Variants in ABCB5 observed in about 807,000 individuals in gnomAD.
The protein encoded by ABCB5 is ATP-binding cassette sub-family B member 5.
Under a neutral mutation model 144.2 loss-of-function variants are expected in ABCB5, and 155 were observed. That is an observed-to-expected ratio of 1.08 (90% CI 0.94 to 1.23). The LOEUF is 1.23. Among genes scored for constraint, ABCB5 ranks in the 50% most tolerant of loss-of-function variants. ABCB5 has a pLI of 0.00. For missense variants in ABCB5, 1,830 were observed against 1,520.8 expected (o/e 1.20, Z -3.38); for synonymous variants, 610 against 528.6 (o/e 1.15, Z -2.11).
chr7:20,703,658 G>A (rs1786709672), intron 19 of ABCB5, among the ~76,000 whole-genome samples: 1 of 152,112 alleles, frequency 6.6e-6, no homozygotes, highest in African/African-American at 2.4e-5. Context: ...ATCTTTCAGA[G>A]ACAGTTTCCA....
intron 16 of ABCB5, among the ~76,000 whole-genome samples, chr7:20,695,320 A>ATT (rs1358339574): frequency 6.0e-5 from 9 of 150,256 alleles, no homozygotes; most frequent in African/African-American, 2.2e-4. Context: ...TCAATTAACA[A>ATT]TTTTTTTTTT....
chr7:20,725,012 TA>T (rs1781991286), intron 21 of ABCB5, among the ~76,000 whole-genome samples: 1 of 152,204 alleles, frequency 6.6e-6, no homozygotes, highest in South Asian at 2.1e-4. Context: ...ATTTCTAAAT[TA>T]ATGAGGCCTA....
Position 20,632,065 on chromosome 7 carries a change from A to G in ABCB5, c.266A>G (p.Tyr89Cys), listed in dbSNP as rs1430115674. The G allele has an allele frequency of 2.0e-6, 3 of 1,515,772 alleles. No individual in the cohort carries two copies. The highest frequency in any genetic ancestry group is 2.3e-5 in the Admixed American group (1 of 43,514). 93.9% of individuals were successfully genotyped at this position (1,515,772 alleles called of 1,614,324 possible). A position where few individuals can be genotyped will look rare whatever the true frequency, so the allele number is the denominator to read the frequency against. ...GCLVQTNTTN[Y>C]QNCTQSQEKL... ...TAAATAACCTTTTTTACAGCAAATT[A>G]TCAGAACTGTACTCAGTCTCAAGAG... The change falls in exon 5 of 28, where the codon TAT becomes TGT. Residue 89 changes from tyrosine to cysteine, a missense_variant. Tyr to Cys is a radical substitution (Grantham distance 194). Transcript: ENST00000404938.
chr7:20,731,385 T>TATATAC (rs1554289445), intron 23 of ABCB5, among the ~76,000 whole-genome samples: 2 of 147,158 alleles, frequency 1.4e-5, no homozygotes, highest in South Asian at 4.2e-4. Flanking sequence ...TATATATATA[T>TATATAC]ACATATAAAA....
chr7:20,667,529 TA>T, intron 14 of ABCB5: 6 of 978,350 alleles, frequency 6.1e-6, no homozygotes, highest in Non-Finnish European at 7.3e-6. Context: ...CTCTCTTTTA[TA>T]TTTTCTAATT....
chr7:20,702,003 A>C (rs2128043759), intron 19 of ABCB5, among the ~76,000 whole-genome samples: 1 of 152,342 alleles, frequency 6.6e-6, no homozygotes, highest in Admixed American at 6.5e-5. Context: ...AAGACTTTTT[A>C]AAATTTAACA....
chr7:20,634,747 T>C (rs949440629), intron 5 of ABCB5, among the ~76,000 whole-genome samples: 2 of 152,100 alleles, frequency 1.3e-5, no homozygotes, highest in South Asian at 2.1e-4. Context: ...ATGGAGTTAT[T>C]AAGGTTTATT....
chr7:20,756,692 C>T lies in ABCB5; in HGVS notation c.*1068C>T, dbSNP rs373610561. 13 of 152,116 alleles carry T rather than the reference C, an allele frequency of 8.5e-5. No individual in the cohort carries two copies. The highest frequency in any genetic ancestry group is 3.4e-3 in the Middle Eastern group (1 of 294). 9.4% of individuals were successfully genotyped at this position (152,116 alleles called of 1,614,324 possible). ...TTTATTGTGGGTGAAAATTTTTAAA[C>T]GTCTTTCTCTATAATAAAATAATTT... On this transcript the variant is annotated 3_prime_UTR_variant, in exon 28 of 28. Coordinates refer to ENST00000404938, the MANE Select transcript of ABCB5 (RefSeq NM_001163941.2).
chr7:20,698,609 A>C, intron 17 of ABCB5, 59 bp downstream of exon 17: 2 of 1,497,736 alleles, frequency 1.3e-6, no homozygotes, highest in South Asian at 2.5e-5. Flanking sequence ...GACCTGAGAG[A>C]ACAAGCTTGT....
chr7:20,646,003 A>C lies in ABCB5; in HGVS notation c.846A>C (p.Lys282Asn). 1 of 1,613,816 alleles carries C rather than the reference A, an allele frequency of 6.2e-7. No individual in the cohort carries two copies. The highest frequency in any genetic ancestry group is 8.5e-7 in the Non-Finnish European group (1 of 1,179,800). ...NLKDAKDFGI[K>N]RTIASKVSLG... ...AAGATGCAAAGGATTTTGGCATAAA[A>C]AGGACTATAGCTTCAAAAGTGTCTC... is the stretch of plus-strand genomic sequence containing the variant. Residue 282 changes from lysine (K) to asparagine (N), a missense_variant, in exon 9 of 28, where the codon AAA becomes AAC. Coordinates refer to ENST00000404938, the MANE Select transcript of ABCB5 (RefSeq NM_001163941.2).
intron 2 of ABCB5, among the ~76,000 whole-genome samples, chr7:20,625,056 A>G (rs957747601): frequency 3.3e-5 from 5 of 152,208 alleles, no homozygotes; most frequent in African/African-American, 1.2e-4. Context: ...TTTCCCTGAA[A>G]CAACTTTTAT....
chr7:20,720,601 C>T (rs910957443), intron 20 of ABCB5, among the ~76,000 whole-genome samples: 1 of 152,030 alleles, frequency 6.6e-6, no homozygotes, highest in Non-Finnish European at 1.5e-5. Flanking sequence ...AAATTTCTAC[C>T]AGATATCTGG....
intron 1 of ABCB5, 145 bp from the exon 2 acceptor site, chr7:20,623,120 A>G (rs2128016655): frequency 5.3e-6 from 3 of 571,170 alleles, no homozygotes; most frequent in East Asian, 3.1e-5. Context: ...AGAAACTTCA[A>G]TTGGAGTGGG....
Position 20,679,677 on chromosome 7 carries a change from AT to A in ABCB5, c.1708-1827del, listed in dbSNP as rs543810819. ...AGAGAGAATATCCAAATTGTCACTA[AT>A]CATTTGAAAAGTTGTTCAACTTTAT... On this transcript the variant is annotated intron_variant, in intron 14 of 27. Transcript: ENST00000404938. 2.3e-3 allele frequency among the ~76,000 whole-genome samples: 345 copies of A among 152,330 alleles called. 3 individuals are homozygous for A. The highest frequency in any genetic ancestry group is 8.0e-3 in the African/African-American group (331 of 41,582).
intron 14 of ABCB5, among the ~76,000 whole-genome samples, chr7:20,670,681 G>A (rs1038234837): frequency 6.6e-6 from 1 of 152,212 alleles, no homozygotes; most frequent in Non-Finnish European, 1.5e-5. Flanking sequence ...AGACCAAGGT[G>A]GGCGCATCAC....
chr7:20,674,264 G>A (rs896109339), intron 14 of ABCB5, among the ~76,000 whole-genome samples: 5 of 151,634 alleles, frequency 3.3e-5, no homozygotes, highest in African/African-American at 7.3e-5. Flanking sequence ...TATTTCCATC[G>A]ATTCCTTTTA....
rs150588649 is a variant in ABCB5 at position 20,742,919 on chromosome 7, T to C, written c.3067T>C (p.Phe1023Leu). ...TTTAGAGTTTCGAGAAGTCTCTTTC[T>C]TCTATCCATGTCGCCCAGATGTTTT... is the stretch of plus-strand genomic sequence containing the variant. ...GNLEFREVSFFYPCRPDVFIL... is the reference protein window; with the variant it reads ...GNLEFREVSFLYPCRPDVFIL... Residue 1023 changes from phenylalanine to leucine, a missense_variant, in exon 25 of 28, where the codon TTC (phenylalanine) becomes CTC (leucine). Physicochemically the swap from Phe to Leu is conservative, Grantham distance 22. Coordinates refer to ENST00000404938, the MANE Select transcript of ABCB5 (RefSeq NM_001163941.2). 68 of 1,614,242 alleles carry C rather than the reference T, an allele frequency of 4.2e-5. No homozygotes were observed. The African/African-American group carries it at 8.8e-4, about 21-fold the overall frequency.
At chr7:20,741,962 T>G (rs1188868020) in intron 24 of ABCB5, among the ~76,000 whole-genome samples, 2 of 152,258 alleles carry the variant, frequency 1.3e-5, no homozygotes, top group African/African-American at 4.8e-5. Context: ...AAAGTCTTTT[T>G]TAAACATCCT....
At chr7:20,748,900 C>T (rs1462204143) in intron 26 of ABCB5, among the ~76,000 whole-genome samples, 1 of 152,084 alleles carries the variant, frequency 6.6e-6, no homozygotes. Context: ...TTAATTCTCT[C>T]CAAGAATTAT....
Sources: allele counts gnomAD v4.1 joint callset (sites outside exome capture counted in the v4.1 genomes callset), GRCh38; gene constraint gnomAD v4.1.1; transcripts MANE v1.5; gene names NCBI Gene and HGNC (gene_info 2026-07-23, HGNC 2026-07-21).